Variants in RHOJ observed in about 807,000 individuals in gnomAD.
RHOJ encodes the protein ras homolog family member J, also known as rho-related GTP-binding protein RhoJ.
RHOJ carries 11 observed loss-of-function variants against 23.4 expected under a neutral mutation model. That is an observed-to-expected ratio of 0.47 (90% CI 0.30 to 0.78). The LOEUF (loss-of-function observed/expected upper bound fraction) is 0.78, where lower values mean the gene tolerates loss of function less well. Ranked by LOEUF, RHOJ falls within the 30% of genes least tolerant of loss-of-function variation. The pLI, the probability that RHOJ is intolerant of heterozygous loss-of-function variation, is 0.08. For missense variants in RHOJ, 254 were observed against 273.4 expected, an observed-to-expected ratio of 0.93 and a Z score of 0.50; for synonymous variants, 102 against 102.7, an observed-to-expected ratio of 0.99 and a Z score of 0.04.
intron 4 of RHOJ, among the ~76,000 whole-genome samples, 191 bp from the exon 5 acceptor site, chr14:63,290,685 CAA>C (rs199653989): frequency 1.4e-3 from 75 of 54,550 alleles, no homozygotes; most frequent in East Asian, 9.8e-3. Flanking sequence ...TACAAAAATA[CAA>C]AAAAAAAAAA....
chr14:63,218,846 C>T (rs933665511), intron 1 of RHOJ, among the ~76,000 whole-genome samples: 2 of 152,136 alleles, frequency 1.3e-5, no homozygotes, highest in Non-Finnish European at 2.9e-5. Context: ...TAAGTATAGT[C>T]GTATACACAG....
chr14:63,243,670 G>A (rs1001945020), intron 1 of RHOJ, among the ~76,000 whole-genome samples: 1 of 152,044 alleles, frequency 6.6e-6, no homozygotes, highest in African/African-American at 2.4e-5. Flanking sequence ...CACCAAAGAG[G>A]AGTTAACCCC....
At chr14:63,264,491 T>C (rs1329671146) in intron 1 of RHOJ, among the ~76,000 whole-genome samples, 1 of 152,254 alleles carries the variant, frequency 6.6e-6, no homozygotes, top group Non-Finnish European at 1.5e-5. Flanking sequence ...CAAGTGCATA[T>C]GTCTTTTTGG....
chr14:63,284,255 A>C (rs1400578756), intron 4 of RHOJ: 3 of 985,188 alleles, frequency 3.0e-6, no homozygotes, highest in South Asian at 4.7e-5. Context: ...AATTAAATAC[A>C]ATCATGTTTT....
chr14:63,228,540 A>G (rs1215136180), intron 1 of RHOJ, among the ~76,000 whole-genome samples: 1 of 152,192 alleles, frequency 6.6e-6, no homozygotes, highest in Non-Finnish European at 1.5e-5. Context: ...CGCTTAAAGA[A>G]TTGATCTATA....
chr14:63,278,502 G>A (rs535380011), intron 2 of RHOJ, among the ~76,000 whole-genome samples: 7 of 152,042 alleles, frequency 4.6e-5, no homozygotes, highest in East Asian at 1.9e-4. Flanking sequence ...AGGTATACAC[G>A]TGCCATGGTG....
rs902010030 is a variant in RHOJ at position 63,281,009 on chromosome 14, C to T, written c.276C>T (p.Asn92=). ...YNQLRPLSYP[N]TDVFLICFSV... ...AGCTGAGGCCACTCTCCTACCCCAA[C>T]ACGGATGTGTTTTTGATCTGCTTCT... Residue 92 remains asparagine (N), a synonymous_variant, in exon 3 of 5, where the codon AAC becomes AAT. Coordinates refer to ENST00000316754, the MANE Select transcript of RHOJ (RefSeq NM_020663.5). 1 of 1,614,066 alleles carries T rather than the reference C, an allele frequency of 6.2e-7. No homozygotes were observed. Among genetic ancestry groups the T allele is most frequent in the Non-Finnish European group, 8.5e-7 (1 of 1,179,946 alleles).
chr14:63,280,169 G>A (rs756975632), intron 2 of RHOJ, among the ~76,000 whole-genome samples: 10 of 152,100 alleles, frequency 6.6e-5, no homozygotes, highest in South Asian at 2.1e-4. Context: ...GACTACAGGC[G>A]TGTGCCACCA....
At chr14:63,214,683 T>C (rs1894314287) in intron 1 of RHOJ, among the ~76,000 whole-genome samples, 1 of 152,038 alleles carries the variant, frequency 6.6e-6, no homozygotes, top group African/African-American at 2.4e-5. Flanking sequence ...AGAGGGCTGG[T>C]GCAGGGTGGG....
chr14:63,279,559 A>G (rs1243925408), intron 2 of RHOJ, among the ~76,000 whole-genome samples: 1 of 152,356 alleles, frequency 6.6e-6, no homozygotes, highest in African/African-American at 2.4e-5. Context: ...ACATTTTCCC[A>G]AAGTCGAAAT....
In RHOJ at chr14:63,272,368, A is replaced by G. The variant is rs546970832; in HGVS notation, c.237+3200A>G. ...ATAATTCAAAATATTCATTTGGTCAATTACAATGGAAGAGAGATGATTTCA... is the reference window on the plus strand; with the variant it reads ...ATAATTCAAAATATTCATTTGGTCAGTTACAATGGAAGAGAGATGATTTCA... On this transcript the variant is annotated intron_variant, in intron 2 of 4. Transcript: ENST00000316754. Among the ~76,000 whole-genome samples, 129 of 152,356 alleles carry G rather than the reference A, an allele frequency of 8.5e-4. 1 individual carries two copies. The highest frequency in any genetic ancestry group is 2.9e-3 in the African/African-American group (119 of 41,578).
intron 2 of RHOJ, among the ~76,000 whole-genome samples, chr14:63,276,603 G>T (rs1881725786): frequency 6.6e-6 from 1 of 151,628 alleles, no homozygotes; most frequent in Non-Finnish European, 1.5e-5. Context: ...CAGGACTAAG[G>T]TTTCCACAGA....
chr14:63,210,705 G>A (rs1894217007), intron 1 of RHOJ, among the ~76,000 whole-genome samples: 1 of 152,262 alleles, frequency 6.6e-6, no homozygotes, highest in Admixed American at 6.5e-5. Context: ...ACCGATTAAT[G>A]TTTCACTTGA....
intron 2 of RHOJ, among the ~76,000 whole-genome samples, chr14:63,280,236 G>C (rs1261448934): frequency 6.6e-6 from 1 of 152,114 alleles, no homozygotes; most frequent in Non-Finnish European, 1.5e-5. Context: ...TATTGCCCAG[G>C]CTGATCTCAA....
intron 2 of RHOJ, among the ~76,000 whole-genome samples, chr14:63,274,850 AT>A (rs1412619937): frequency 6.6e-6 from 1 of 152,088 alleles, no homozygotes. Context: ...TGGTGCCCAC[AT>A]TTTTCAAATT....
At chr14:63,260,643 C>T (rs949847391) in intron 1 of RHOJ, among the ~76,000 whole-genome samples, 2 of 152,134 alleles carry the variant, frequency 1.3e-5, no homozygotes, top group African/African-American at 2.4e-5. Flanking sequence ...ATTTTATCTC[C>T]TGCTATCTGC....
Position 63,204,530 on chromosome 14 carries a change from TAGAGACAGGG to T in RHOJ, c.-335_-326del, listed in dbSNP as rs1216334362. ...AATTCCACCGTATCTTTTGCCAGGC[TAGAGACAGGG>T]AGAGCAGAGTAAAACCCTCAGGCTG... On this transcript the variant is annotated 5_prime_UTR_variant, in exon 1 of 5. Transcript: ENST00000316754. 1 of 262,406 alleles carries T rather than the reference TAGAGACAGGG, an allele frequency of 3.8e-6. No homozygotes were observed. Among genetic ancestry groups the T allele is most frequent in the African/African-American group, 2.2e-5 (1 of 44,684 alleles). The allele number at this position is 262,406 out of a possible 1,614,324, so 16.3% of individuals were successfully genotyped here.
In RHOJ at chr14:63,276,934, A is replaced by G. The variant is rs1202715367; in HGVS notation, c.238-4037A>G. 2.6e-5 allele frequency among the ~76,000 whole-genome samples: 4 copies of G among 152,338 alleles called. No homozygotes were observed. In the East Asian group the frequency reaches 7.7e-4, roughly 29 times the overall value. Reference sequence around the variant, plus strand: ...TTTGGCTTTGAAGTTTTAAATATACAGTGTTGCTGCCATCCAGTGGTAATC... The same window carrying G: ...TTTGGCTTTGAAGTTTTAAATATACGGTGTTGCTGCCATCCAGTGGTAATC... On this transcript the variant is annotated intron_variant, in intron 2 of 4. Coordinates refer to ENST00000316754, the MANE Select transcript of RHOJ (RefSeq NM_020663.5).
At chr14:63,266,302 C>T (rs1027190681) in intron 1 of RHOJ, among the ~76,000 whole-genome samples, 3 of 152,194 alleles carry the variant, frequency 2.0e-5, no homozygotes, top group Admixed American at 2.0e-4. Flanking sequence ...CATGTTAATG[C>T]TGGTCAGCTG....
Sources: allele counts gnomAD v4.1 joint callset (sites outside exome capture counted in the v4.1 genomes callset), GRCh38; gene constraint gnomAD v4.1.1; transcripts MANE v1.5; gene names NCBI Gene and HGNC (gene_info 2026-07-23, HGNC 2026-07-21).